The following DNAH5 variants were observed in gnomAD, a reference collection of about 807,000 sequenced individuals.
DNAH5 encodes axonemal beta dynein heavy chain 5.
Under a neutral mutation model 518.2 loss-of-function variants are expected in DNAH5, and 372 were observed. The observed-to-expected ratio is 0.72, with a 90% confidence interval of 0.66 to 0.78. The LOEUF is 0.78. Ranked by LOEUF, DNAH5 falls within the 30% of genes least tolerant of loss-of-function variation. DNAH5 has a pLI of 0.00. For synonymous variants in DNAH5, 2,039 were observed against 2,025.9 expected, an observed-to-expected ratio of 1.01 and a Z score of -0.17; for missense variants, 5,523 against 5,687.0, an observed-to-expected ratio of 0.97 and a Z score of 0.93.
At chr5:13,867,059 T>C (rs1769359410) in intron 25 of DNAH5, among the ~76,000 whole-genome samples, 1 of 152,204 alleles carries the variant, frequency 6.6e-6, no homozygotes, top group African/African-American at 2.4e-5. Flanking sequence ...CAAGGAACGC[T>C]GTGGAAAGGA....
At position 13,841,917 on chromosome 5, in the gene DNAH5, C is replaced by CAAAAA; in HGVS notation, c.5272-14_5272-13insTTTTT. Reference sequence around the variant, plus strand: ...TTCGATCATAGATCTATGTTAGAAACCAAAAAAAAAAAAAAAAAAAGCTAT... The same window carrying CAAAAA: ...TTCGATCATAGATCTATGTTAGAAACAAAAACAAAAAAAAAAAAAAAAAAAGCTAT... On this transcript the variant is annotated splice_polypyrimidine_tract_variant and intron_variant, in intron 32 of 78. Transcript: ENST00000265104. 4 of 436,902 alleles carry CAAAAA rather than the reference C, an allele frequency of 9.2e-6. No individual in the cohort carries two copies. Among genetic ancestry groups the CAAAAA allele is most frequent in the Admixed American group, 7.9e-5 (1 of 12,712 alleles). The allele number at this position is 436,902 out of a possible 1,614,324, so 27.1% of individuals were successfully genotyped here. A position where few individuals can be genotyped will look rare whatever the true frequency, so the allele number is the denominator to read the frequency against.
At chr5:13,803,559 T>C (rs916934459) in intron 47 of DNAH5, among the ~76,000 whole-genome samples, 4 of 152,240 alleles carry the variant, frequency 2.6e-5, no homozygotes, top group African/African-American at 4.8e-5. Flanking sequence ...ACCAACTAAG[T>C]GAATTCAGAC....
chr5:13,830,100 G>C lies in DNAH5; in HGVS notation c.6175C>G (p.His2059Asp). Residue 2059 changes from histidine (H) to aspartate (D), a missense_variant, in exon 37 of 79, where the codon CAC becomes GAC. This residue lies in a region of DNAH5 where 5,121 missense variants were observed against 5,223.3 expected (regional missense o/e 0.98). Transcript: ENST00000265104. ...ISIILTCKKE[H>D]KKSFIFTDGD... Reference sequence around the variant, plus strand: ...TCAGTAAAGATAAAAGACTTTTTGTGCTCCTTTTTACATGTCAGAATAATG... The same window carrying C: ...TCAGTAAAGATAAAAGACTTTTTGTCCTCCTTTTTACATGTCAGAATAATG... The C allele has an allele frequency of 6.2e-7, 1 of 1,613,822 alleles. No individual in the cohort carries two copies. Among genetic ancestry groups the C allele is most frequent in the Non-Finnish European group, 8.5e-7 (1 of 1,179,830 alleles).
At chr5:13,700,403 CAT>C (rs113215602) in intron 78 of DNAH5, among the ~76,000 whole-genome samples, 31 of 152,296 alleles carry the variant, frequency 2.0e-4, no homozygotes, top group African/African-American at 6.5e-4. Flanking sequence ...AGTATCCACA[CAT>C]GTTAATCTGC....
At chr5:13,714,709 G>A (rs900721473) in intron 74 of DNAH5, 89 bp from the exon 75 acceptor site, 28 of 1,245,084 alleles carry the variant, frequency 2.2e-5, no homozygotes, top group Admixed American at 3.9e-5. Context: ...ATGCTTCTAT[G>A]AGGGTATGCA....
Position 13,721,185 on chromosome 5 carries a change from A to G in DNAH5, c.12094T>C (p.Leu4032=). 1 of 1,614,162 alleles carries G rather than the reference A, an allele frequency of 6.2e-7. No individual in the cohort carries two copies. The highest frequency in any genetic ancestry group is 8.5e-7 in the Non-Finnish European group (1 of 1,180,004). The change falls in exon 71 of 79, where the codon TTG becomes CTG. Residue 4032 remains leucine, a synonymous_variant. Coordinates refer to ENST00000265104, the MANE Select transcript of DNAH5 (RefSeq NM_001369.3). The part of the protein sequence containing the change: ...EKYAEGVILD[L]EKTWEESDPR... Reference sequence around the variant, plus strand: ...TCAGATTCCTCCCACGTCTTCTCCAAGTCTAAAATAACACCTTCGGCATAT... The same window carrying G: ...TCAGATTCCTCCCACGTCTTCTCCAGGTCTAAAATAACACCTTCGGCATAT...
At position 13,737,513 on chromosome 5, in the gene DNAH5, T is replaced by C. The variant is rs753193432; in HGVS notation, c.11212-18A>G. On this transcript the variant is annotated intron_variant, in intron 65 of 78. Transcript: ENST00000265104. ...TCCAATTCCTATTAATTTGCATAAA[T>C]ATATTTTCTACCTCAATTAACAACT... 6.2e-7 allele frequency: 1 copy of C among 1,612,314 alleles called. No individual in the cohort carries two copies. The highest frequency in any genetic ancestry group is 8.5e-7 in the Non-Finnish European group (1 of 1,178,950).
chr5:13,711,091 C>T (rs1445253940), intron 75 of DNAH5, among the ~76,000 whole-genome samples: 1 of 152,088 alleles, frequency 6.6e-6, no homozygotes, highest in East Asian at 1.9e-4. Flanking sequence ...CTGATATCCT[C>T]GATGGACATA....
intron 1 of DNAH5, among the ~76,000 whole-genome samples, chr5:13,991,416 C>G (rs1022820771): frequency 5.3e-5 from 8 of 151,374 alleles, no homozygotes; most frequent in Non-Finnish European, 8.8e-5. Context: ...TAAATGCCTG[C>G]TTGTCAGACA....
chr5:13,973,144 A>G (rs1249875861), intron 1 of DNAH5, among the ~76,000 whole-genome samples: 2 of 152,160 alleles, frequency 1.3e-5, no homozygotes, highest in Non-Finnish European at 2.9e-5. Flanking sequence ...GCAAGTTCAG[A>G]GAAAAGTTGA....
chr5:13,882,205 T>C (rs557042799), intron 21 of DNAH5, among the ~76,000 whole-genome samples: 1 of 152,118 alleles, frequency 6.6e-6, no homozygotes, highest in African/African-American at 2.4e-5. Flanking sequence ...CACCAGATGG[T>C]TGCATAGCTA....
chr5:13,720,330 G>T (rs2126526029), intron 71 of DNAH5, among the ~76,000 whole-genome samples: 1 of 152,274 alleles, frequency 6.6e-6, no homozygotes, highest in African/African-American at 2.4e-5. Context: ...ACTACAAAAA[G>T]ACTTCAGTTC....
chr5:13,706,960 C>G (rs1156786875), intron 76 of DNAH5, among the ~76,000 whole-genome samples: 1 of 152,216 alleles, frequency 6.6e-6, no homozygotes, highest in Non-Finnish European at 1.5e-5. Context: ...TAAGTGAGAA[C>G]AGGCACTCTT....
intron 31 of DNAH5, 62 bp downstream of exon 31, chr5:13,850,590 A>G (rs1766692738): frequency 2.7e-6 from 4 of 1,483,496 alleles, no homozygotes; most frequent in Non-Finnish European, 3.8e-6. Flanking sequence ...AATGCTATCT[A>G]GTCTCCCTGT....
chr5:13,988,242 T>C lies in DNAH5; in HGVS notation c.12+23406A>G, dbSNP rs573756936. 7.9e-5 allele frequency among the ~76,000 whole-genome samples: 12 copies of C among 152,298 alleles called. No homozygotes were observed. In the South Asian group the frequency reaches 2.5e-3, roughly 32 times the overall value. On this transcript the variant is annotated intron_variant, in intron 1 of 78. Coordinates refer to the DNAH5 transcript ENST00000681290. ...TGAATGTAAATCGTAGAGAGTTGTT[T>C]AAGTTGCCCATCACTATACAAACTT...
chr5:13,836,779 G>A (rs1417344307), intron 35 of DNAH5, among the ~76,000 whole-genome samples: 1 of 152,208 alleles, frequency 6.6e-6, no homozygotes, highest in African/African-American at 2.4e-5. Context: ...TGAGAAGAGG[G>A]AATTATGTTG....
chr5:13,841,640 G>T, intron 33 of DNAH5, 52 bp downstream of exon 33: 1 of 1,404,210 alleles, frequency 7.1e-7, no homozygotes, highest in Non-Finnish European at 1.0e-6. Flanking sequence ...TAATGTCTGA[G>T]ACTTAAAATG....
Position 13,871,760 on chromosome 5 carries a change from A to G in DNAH5, c.3402T>C (p.Val1134=). 2 of 1,613,146 alleles carry G rather than the reference A, an allele frequency of 1.2e-6. No homozygotes were observed. The highest frequency in any genetic ancestry group is 1.7e-6 in the Non-Finnish European group (2 of 1,179,290). ...GTTTGAAGCAATCCATGGATGTAAT[A>G]ACTTCCTGAATGCAAATAACAGATT... ...STIINSTKKE[V]ITSMDCFKRY... is the part of the protein sequence containing the mutation. Residue 1134 remains valine, a synonymous_variant, in exon 23 of 79, where the codon GTT becomes GTC. Coordinates refer to ENST00000265104, the MANE Select transcript of DNAH5 (RefSeq NM_001369.3).
At position 13,882,732 on chromosome 5, in the gene DNAH5, A is replaced by C. The variant is rs10057007; in HGVS notation, c.3258T>G (p.Leu1086=). The change falls in exon 21 of 79, where the codon CTT becomes CTG. Residue 1086 remains leucine (L), a synonymous_variant. Transcript: ENST00000265104. Reference sequence around the variant, plus strand: ...AAAGACTAAAAGAACATTTACCTTGAAGTTCATTTTCTCCCATTTCAACAT... The same window carrying C: ...AAAGACTAAAAGAACATTTACCTTGCAGTTCATTTTCTCCCATTTCAACAT... ...DSDVEMGENE[L]QDTLEIASVN... is the part of the protein sequence containing the mutation. 1.2e-6 allele frequency: 2 copies of C among 1,608,420 alleles called. No homozygotes were observed. The highest frequency in any genetic ancestry group is 2.7e-5 in the African/African-American group (2 of 74,782).
Sources: allele counts gnomAD v4.1 joint callset (sites outside exome capture counted in the v4.1 genomes callset), GRCh38; gene constraint gnomAD v4.1.1; regional missense constraint gnomAD v4.1.1; transcripts MANE v1.5; gene names NCBI Gene and HGNC (gene_info 2026-07-23, HGNC 2026-07-21).